The following TRHDE variants were observed in gnomAD, a reference collection of about 807,000 sequenced individuals.
TRHDE encodes the protein thyrotropin releasing hormone degrading enzyme, also known as thyrotropin-releasing hormone-degrading ectoenzyme.
A neutral mutation model predicts 125.7 loss-of-function variants in TRHDE; 72 were observed. The ratio of observed to expected loss-of-function variants is 0.57; its 90% confidence interval spans 0.47 to 0.70. The LOEUF (loss-of-function observed/expected upper bound fraction) is 0.70, where lower values mean the gene tolerates loss of function less well. TRHDE is among the 30% of genes least tolerant of loss of function. TRHDE has a pLI of 0.00. For missense variants in TRHDE, 1,110 were observed against 1,327.1 expected, an observed-to-expected ratio of 0.84 and a Z score of 2.54; for synonymous variants, 509 against 509.1, an observed-to-expected ratio of 1.00 and a Z score of 0.00.
At chr12:72,640,334 A>G (rs1328644024) in intron 15 of TRHDE, among the ~76,000 whole-genome samples, 1 of 152,168 alleles carries the variant, frequency 6.6e-6, no homozygotes, top group African/African-American at 2.4e-5. Flanking sequence ...GCGCTTCCCG[A>G]GTGAGGCAAT....
At chr12:72,475,371 T>A (rs1166353163) in intron 5 of TRHDE, among the ~76,000 whole-genome samples, 1 of 152,186 alleles carries the variant, frequency 6.6e-6, no homozygotes, top group Non-Finnish European at 1.5e-5. Flanking sequence ...GTGTTGCTTT[T>A]TTTAGCTCAT....
At chr12:72,315,208 C>T (rs1218412662) in intron 2 of TRHDE, among the ~76,000 whole-genome samples, 1 of 152,104 alleles carries the variant, frequency 6.6e-6, no homozygotes, top group Admixed American at 6.5e-5. Flanking sequence ...TGCCTCAAAC[C>T]CTTTGCATAA....
chr12:72,167,821 A>G (rs1378573360), intron 2 of TRHDE, among the ~76,000 whole-genome samples: 2 of 152,246 alleles, frequency 1.3e-5, no homozygotes, highest in Non-Finnish European at 2.9e-5. Context: ...TGTCCTACTT[A>G]TAGCATTTTG....
intron 2 of TRHDE, among the ~76,000 whole-genome samples, chr12:72,179,192 A>G (rs1390111065): frequency 6.6e-6 from 1 of 152,174 alleles, no homozygotes; most frequent in African/African-American, 2.4e-5. Flanking sequence ...ATATATCGTG[A>G]GTAAATCAGA....
At chr12:72,632,540 G>T (rs983746249) in intron 15 of TRHDE, among the ~76,000 whole-genome samples, 2 of 151,842 alleles carry the variant, frequency 1.3e-5, no homozygotes, top group African/African-American at 4.8e-5. Context: ...TGCTCTTAGA[G>T]CTATTTATAT....
intron 2 of TRHDE, among the ~76,000 whole-genome samples, chr12:72,173,572 G>A (rs777094727): frequency 2.0e-5 from 3 of 152,154 alleles, no homozygotes; most frequent in Non-Finnish European, 4.4e-5. Context: ...ACGTGCTCTT[G>A]TGTTACTATA....
At chr12:72,356,352 G>A (rs949294783) in intron 2 of TRHDE, among the ~76,000 whole-genome samples, 2 of 151,470 alleles carry the variant, frequency 1.3e-5, no homozygotes, top group Non-Finnish European at 3.0e-5. Flanking sequence ...TGGACACAGA[G>A]AGGGGAACAA....
chr12:72,360,554 C>T (rs983813216), intron 2 of TRHDE, among the ~76,000 whole-genome samples: 4 of 151,694 alleles, frequency 2.6e-5, no homozygotes, highest in Admixed American at 1.3e-4. Context: ...CTATTTCATA[C>T]CCATTGTTTA....
intron 2 of TRHDE, among the ~76,000 whole-genome samples, chr12:72,156,361 G>A (rs1322254944): frequency 3.9e-5 from 6 of 152,152 alleles, no homozygotes; most frequent in South Asian, 2.1e-4. Context: ...GTGATGCCTC[G>A]CCCTGCTTCG....
At chr12:72,524,724 C>T (rs1383935884) in intron 6 of TRHDE, among the ~76,000 whole-genome samples, 1 of 152,112 alleles carries the variant, frequency 6.6e-6, no homozygotes, top group Non-Finnish European at 1.5e-5. Context: ...CATATGGATG[C>T]TTAATGAGAA....
chr12:72,145,292 G>A (rs1876202401), intron 2 of TRHDE, among the ~76,000 whole-genome samples: 2 of 152,142 alleles, frequency 1.3e-5, no homozygotes, highest in African/African-American at 4.8e-5. Flanking sequence ...ATTCTCTAGT[G>A]ATGGTTGTTT....
chr12:72,662,683 A>G (rs1300424728), intron 18 of TRHDE, among the ~76,000 whole-genome samples: 1 of 152,176 alleles, frequency 6.6e-6, no homozygotes, highest in African/African-American at 2.4e-5. Context: ...TGCATTGTAT[A>G]CACATTGAAG....
intron 2 of TRHDE, among the ~76,000 whole-genome samples, chr12:72,305,970 C>G: frequency 6.6e-6 from 1 of 152,282 alleles, no homozygotes; most frequent in African/African-American, 2.4e-5. Context: ...ACTTGACACT[C>G]CAGTGGTACA....
chr12:72,428,962 A>T (rs1276889302), intron 3 of TRHDE, among the ~76,000 whole-genome samples: 1 of 152,090 alleles, frequency 6.6e-6, no homozygotes, highest in African/African-American at 2.4e-5. Flanking sequence ...ATTCCATTGT[A>T]TAGATATACC....
At chr12:72,559,883 C>T (rs1870095305) in intron 7 of TRHDE, among the ~76,000 whole-genome samples, 1 of 152,278 alleles carries the variant, frequency 6.6e-6, no homozygotes, top group South Asian at 2.1e-4. Context: ...GGAAATCTCC[C>T]TACACAAATC....
chr12:72,176,361 G>T (rs1172891242), intron 2 of TRHDE, among the ~76,000 whole-genome samples: 3 of 152,100 alleles, frequency 2.0e-5, no homozygotes, highest in African/African-American at 7.2e-5. Flanking sequence ...ACTTAGTCTA[G>T]ATATGGATGG....
At chr12:72,612,463 G>T (rs755919826) in intron 12 of TRHDE, among the ~76,000 whole-genome samples, 25 of 152,184 alleles carry the variant, frequency 1.6e-4, no homozygotes, top group Non-Finnish European at 5.9e-5. Context: ...ATTTTGAGAG[G>T]TTGCCTCATG....
intron 15 of TRHDE, among the ~76,000 whole-genome samples, chr12:72,638,021 C>T (rs552054920): frequency 2.6e-4 from 39 of 150,564 alleles, no homozygotes; most frequent in East Asian, 5.9e-4. Flanking sequence ...CTATTAGGTC[C>T]GCTTGGTGCA....
At chr12:72,379,690 A>G (rs1204419165) in intron 3 of TRHDE, among the ~76,000 whole-genome samples, 2 of 152,224 alleles carry the variant, frequency 1.3e-5, no homozygotes, top group East Asian at 3.8e-4. Context: ...TGCAGCAGGA[A>G]GCATTTCTGT....
Sources: allele counts gnomAD v4.1 joint callset (sites outside exome capture counted in the v4.1 genomes callset), GRCh38; gene constraint gnomAD v4.1.1; transcripts MANE v1.5; gene names NCBI Gene and HGNC (gene_info 2026-07-23, HGNC 2026-07-21).